The following ILDR1 variants were observed in gnomAD, a reference collection of about 807,000 sequenced individuals.
The protein encoded by ILDR1 is immunoglobulin like domain containing receptor 1.
In ILDR1, 56 loss-of-function variants were observed where a neutral mutation model predicts 62.4. The observed-to-expected ratio is 0.90, with a 90% confidence interval of 0.72 to 1.12. The LOEUF (loss-of-function observed/expected upper bound fraction) is 1.12. Among genes scored for constraint, ILDR1 ranks in the 50% most tolerant of loss-of-function variants. The probability of loss-of-function intolerance (pLI) is 0.00; values close to 1 mark genes in which losing one functional copy is unlikely to be tolerated. For synonymous variants in ILDR1, 284 were observed against 277.8 expected (o/e 1.02, Z -0.22); for missense variants, 736 against 710.6 (o/e 1.04, Z -0.41).
the ILDR1 span, among the ~76,000 whole-genome samples, chr3:122,038,523 C>G: frequency 6.6e-6 from 1 of 152,162 alleles, no homozygotes; most frequent in Admixed American, 6.6e-5. Flanking sequence ...GCATGTTTAT[C>G]TGCAGCATAG....
the ILDR1 span, among the ~76,000 whole-genome samples, chr3:122,038,362 A>G: frequency 1.3e-5 from 2 of 152,234 alleles, no homozygotes; most frequent in Non-Finnish European, 2.9e-5. Context: ...TCTGGCAAAT[A>G]GCCCATACCC....
At chr3:122,015,097 CACAG>C (rs2071759291) in intron 1 of ILDR1, among the ~76,000 whole-genome samples, 1 of 152,226 alleles carries the variant, frequency 6.6e-6, no homozygotes, top group Non-Finnish European at 1.5e-5. Context: ...CAAGTAAACA[CACAG>C]ACAAAGTAGT....
Position 121,993,196 on chromosome 3 carries a change from G to T in ILDR1, c.1553C>A (p.Thr518Asn), listed in dbSNP as rs1267773364. The T allele has an allele frequency of 3.7e-6, 6 of 1,613,512 alleles. No individual in the cohort carries two copies. Among genetic ancestry groups the T allele is most frequent in the Non-Finnish European group, 5.1e-6 (6 of 1,179,776 alleles). ...KPPSYRSLDITPGKNSRKKGS... is the reference protein window; with the variant it reads ...KPPSYRSLDINPGKNSRKKGS... ...TTTTTTCCTGCTATTCTTGCCTGGA[G>T]TGATATCAAGTGAGCGGTAGCTAGG... The change falls in exon 7 of 8, where the codon ACT (threonine) becomes AAT (asparagine). Residue 518 changes from threonine to asparagine, a missense_variant. Thr to Asn is a moderately conservative substitution (Grantham distance 65, BLOSUM62 0). Transcript: ENST00000344209.
intron 1 of ILDR1, among the ~76,000 whole-genome samples, chr3:122,014,879 T>C (rs535259989): frequency 2.4e-4 from 37 of 152,322 alleles, no homozygotes; most frequent in African/African-American, 8.7e-4. Context: ...GGCAGATGCT[T>C]GGGGTTTCCC....
chr3:122,039,350 T>C, the ILDR1 span, among the ~76,000 whole-genome samples: 3 of 151,472 alleles, frequency 2.0e-5, no homozygotes, highest in Non-Finnish European at 2.9e-5. Flanking sequence ...AGACAGAAAA[T>C]TTTAAAAGTA....
intron 2 of ILDR1, among the ~76,000 whole-genome samples, chr3:122,006,698 A>C (rs2071616190): frequency 6.6e-6 from 1 of 152,204 alleles, no homozygotes; most frequent in Non-Finnish European, 1.5e-5. Context: ...GCATGGAACC[A>C]GGAATGGACA....
At chr3:122,031,835 A>C in the ILDR1 span, among the ~76,000 whole-genome samples, 1 of 152,300 alleles carries the variant, frequency 6.6e-6, no homozygotes, top group South Asian at 2.1e-4. Context: ...TAGCAGCCCA[A>C]ATGCAATAGG....
At chr3:122,001,231 C>A in intron 5 of ILDR1, 77 bp downstream of exon 5, 2 of 1,521,294 alleles carry the variant, frequency 1.3e-6, no homozygotes, top group Non-Finnish European at 1.8e-6. Context: ...AATCTTTGAC[C>A]TGGCACTTGA....
the ILDR1 span, among the ~76,000 whole-genome samples, chr3:122,040,779 C>T: frequency 2.0e-5 from 3 of 147,922 alleles, no homozygotes; most frequent in African/African-American, 7.4e-5. Flanking sequence ...GGTCATAGGC[C>T]TAAATTTAAA....
chr3:122,040,642 T>C, the ILDR1 span, among the ~76,000 whole-genome samples: 11 of 151,202 alleles, frequency 7.3e-5, no homozygotes, highest in African/African-American at 2.7e-4. Context: ...TCAAGTGATA[T>C]TTGACAAAGG....
the ILDR1 span, among the ~76,000 whole-genome samples, chr3:122,048,228 G>A: frequency 6.6e-6 from 1 of 152,158 alleles, no homozygotes; most frequent in Non-Finnish European, 1.5e-5. Flanking sequence ...TGATTTTAAT[G>A]ATGTACCATA....
intron 2 of ILDR1, 61 bp downstream of exon 2, chr3:122,006,930 C>T: frequency 6.5e-7 from 1 of 1,542,638 alleles, no homozygotes; most frequent in Non-Finnish European, 8.8e-7. Context: ...TCAACCCTAA[C>T]CGCAGTATGT....
upstream of ILDR1, among the ~76,000 whole-genome samples, chr3:122,023,696 T>G (rs953632681): frequency 6.6e-6 from 1 of 152,124 alleles, no homozygotes; most frequent in South Asian, 2.1e-4. Context: ...GGGCCTCTTC[T>G]CTTCCAGAGA....
chr3:121,992,939 G>T (rs1184943224), intron 7 of ILDR1, among the ~76,000 whole-genome samples: 3 of 152,214 alleles, frequency 2.0e-5, no homozygotes, highest in African/African-American at 7.2e-5. Context: ...CCCTTCACAG[G>T]CAGCGAACTC....
chr3:122,017,678 ACT>A (rs2071795673), intron 1 of ILDR1, among the ~76,000 whole-genome samples: 1 of 152,190 alleles, frequency 6.6e-6, no homozygotes, highest in South Asian at 2.1e-4. Flanking sequence ...TCTACAAAGA[ACT>A]TAAACAAATT....
the ILDR1 span, among the ~76,000 whole-genome samples, chr3:122,045,741 C>T: frequency 6.5e-3 from 971 of 148,850 alleles, 9 homozygotes; most frequent in Non-Finnish European, 9.9e-3. Context: ...GGATTGCAAC[C>T]CCTGCATTTT....
chr3:122,039,307 T>C, the ILDR1 span, among the ~76,000 whole-genome samples: 3 of 152,060 alleles, frequency 2.0e-5, no homozygotes, highest in Admixed American at 6.6e-5. Flanking sequence ...AACTCACTTC[T>C]AGGTACGTTA....
chr3:122,029,400 A>G, the ILDR1 span, among the ~76,000 whole-genome samples: 8 of 151,854 alleles, frequency 5.3e-5, no homozygotes, highest in Non-Finnish European at 1.2e-4. Context: ...CCAACTACTC[A>G]GGAGGCTGAG....
At chr3:122,038,986 T>C in the ILDR1 span, among the ~76,000 whole-genome samples, 1 of 151,808 alleles carries the variant, frequency 6.6e-6, no homozygotes, top group Admixed American at 6.6e-5. Context: ...AAAAATAAAA[T>C]TTTGAAAAAA....
Sources: gnomAD v4.1 joint callset for allele counts (sites outside exome capture counted in the v4.1 genomes callset) on GRCh38, gnomAD v4.1.1 for gene constraint, MANE v1.5 for transcripts, NCBI Gene and HGNC (gene_info 2026-07-23, HGNC 2026-07-21) for gene names.